The following DLGAP2 variants were observed in gnomAD, a reference collection of about 807,000 sequenced individuals.
DLGAP2 encodes DLG associated protein 2.
In DLGAP2, 26 loss-of-function variants were observed where a neutral mutation model predicts 100.3. The ratio of observed to expected loss-of-function variants is 0.26; its 90% CI spans 0.19 to 0.36. The LOEUF (loss-of-function observed/expected upper bound fraction) is 0.36. Ranked by LOEUF, DLGAP2 falls within the 10% of genes least tolerant of loss-of-function variation. The probability of loss-of-function intolerance (pLI) is 1.00; values close to 1 mark genes in which losing one functional copy is unlikely to be tolerated. For missense variants in DLGAP2, 1,858 were observed against 1,453.2 expected, an observed-to-expected ratio of 1.28 and a Z score of -4.53; for synonymous variants, 886 against 630.1, an observed-to-expected ratio of 1.41 and a Z score of -6.08.
rs778696925 is a variant in DLGAP2, at chr8:1,410,537, A to G, written c.107-90829A>G. 3.9e-5 allele frequency among the ~76,000 whole-genome samples: 6 copies of G among 152,316 alleles called. No homozygotes were observed. The East Asian group carries it at 9.7e-4, about 25-fold the overall frequency. On this transcript the variant is annotated intron_variant, in intron 3 of 14. Transcript: ENST00000637795. ...CAGGGGTCCATCTGCAGGCTACTGC[A>G]TTTCCGCACAGGTCGAGTTAAAGCA...
chr8:842,062 C>A (rs1372599291), intron 1 of DLGAP2, among the ~76,000 whole-genome samples: 1 of 152,142 alleles, frequency 6.6e-6, no homozygotes, highest in Non-Finnish European at 1.5e-5. Flanking sequence ...ATTTTTAATG[C>A]CATAATATAT....
In DLGAP2 at chr8:1,628,682, T is replaced by C. The variant is rs61045615; in HGVS notation, c.1590+1795T>C. ...TGGAGCAGGAATTAAGAGCCTGAGC[T>C]GACCTCACATTCTCTCTGACTTACT... On this transcript the variant is annotated intron_variant, in intron 7 of 14. Coordinates refer to ENST00000637795, the MANE Select transcript of DLGAP2 (RefSeq NM_001346810.2). Among the ~76,000 whole-genome samples, 15 of 133,114 alleles carry C rather than the reference T, an allele frequency of 1.1e-4. No homozygotes were observed. In the East Asian group the frequency reaches 1.2e-3, roughly 11 times the overall value. 87.3% of individuals were successfully genotyped at this position (133,114 alleles called of 152,430 possible).
intron 2 of DLGAP2, among the ~76,000 whole-genome samples, chr8:1,087,336 T>C (rs373235623): frequency 2.6e-5 from 4 of 152,214 alleles, no homozygotes; most frequent in Admixed American, 2.0e-4. Flanking sequence ...ATCCGCTGTG[T>C]CCTCCAGCTC....
chr8:1,573,650 G>T (rs1035348656), intron 6 of DLGAP2, among the ~76,000 whole-genome samples: 8 of 152,130 alleles, frequency 5.3e-5, no homozygotes, highest in African/African-American at 1.9e-4. Context: ...CCCAAATGCA[G>T]GTAAACTAAC....
chr8:1,214,745 A>G (rs543943808), intron 2 of DLGAP2, among the ~76,000 whole-genome samples: 2 of 152,344 alleles, frequency 1.3e-5, no homozygotes, highest in Middle Eastern at 3.4e-3. Context: ...CCTTAAGTCT[A>G]TGTAGAGTGA....
intron 1 of DLGAP2, among the ~76,000 whole-genome samples, chr8:784,062 A>G (rs1017470846): frequency 4.6e-5 from 7 of 152,220 alleles, no homozygotes; most frequent in African/African-American, 1.7e-4. Flanking sequence ...TTTGCATCTT[A>G]CAGCTATTAA....
In DLGAP2 at chr8:956,463, C is replaced by T. The variant is rs543602706; in HGVS notation, c.73+48497C>T. ...AGTGAAGGCCAAATGAGAGGACCCT[C>T]TCAGCTCTGAGAATCATCTGTCCAC... On this transcript the variant is annotated intron_variant, in intron 2 of 14. Coordinates refer to ENST00000637795, the MANE Select transcript of DLGAP2 (RefSeq NM_001346810.2). Among the ~76,000 whole-genome samples, 7 of 152,306 alleles carry T rather than the reference C, an allele frequency of 4.6e-5. No homozygotes were observed. In the South Asian group the frequency reaches 1.5e-3, roughly 32 times the overall value.
At chr8:835,445 G>T (rs1341569746) in intron 1 of DLGAP2, among the ~76,000 whole-genome samples, 1 of 151,820 alleles carries the variant, frequency 6.6e-6, no homozygotes, top group South Asian at 2.1e-4. Flanking sequence ...TCCCCACTGT[G>T]CTCCACGCCG....
chr8:1,543,698 T>C (rs1323399486), intron 4 of DLGAP2, among the ~76,000 whole-genome samples: 5 of 152,238 alleles, frequency 3.3e-5, no homozygotes, highest in African/African-American at 1.2e-4. Flanking sequence ...GATTGGCTTT[T>C]GCACTTCTGC....
intron 2 of DLGAP2, among the ~76,000 whole-genome samples, chr8:1,258,402 A>G (rs371132515): frequency 6.9e-6 from 1 of 145,154 alleles, no homozygotes; most frequent in African/African-American, 2.5e-5. Context: ...ACATGGACAT[A>G]GAGGGGAATG....
chr8:1,470,186 G>A (rs148236770), intron 3 of DLGAP2, among the ~76,000 whole-genome samples: 26 of 152,140 alleles, frequency 1.7e-4, no homozygotes, highest in South Asian at 1.0e-3. Flanking sequence ...AGTTGTGGCT[G>A]CTGAAAGACA....
intron 7 of DLGAP2, among the ~76,000 whole-genome samples, chr8:1,632,047 A>T (rs1442387726): frequency 1.3e-5 from 2 of 151,606 alleles, no homozygotes; most frequent in Non-Finnish European, 2.9e-5. Flanking sequence ...AAACAAGAAG[A>T]GAAATAATCT....
chr8:1,412,394 C>T (rs186973297), intron 3 of DLGAP2, among the ~76,000 whole-genome samples: 10 of 152,344 alleles, frequency 6.6e-5, no homozygotes, highest in Admixed American at 4.6e-4. Flanking sequence ...CCAAAAGGTT[C>T]TCAGAGTCTC....
chr8:1,382,897 G>C (rs1476796816), intron 3 of DLGAP2, among the ~76,000 whole-genome samples: 1 of 152,174 alleles, frequency 6.6e-6, no homozygotes, highest in Non-Finnish European at 1.5e-5. Flanking sequence ...TTATGGAAGG[G>C]ATGTATGTAT....
chr8:1,673,595 G>A (rs149884791), intron 10 of DLGAP2, among the ~76,000 whole-genome samples: 35 of 152,312 alleles, frequency 2.3e-4, no homozygotes, highest in African/African-American at 6.7e-4. Flanking sequence ...TCACGTGACC[G>A]TCCTTAAAGC....
chr8:875,754 G>T (rs1293193295), intron 1 of DLGAP2, among the ~76,000 whole-genome samples: 1 of 152,038 alleles, frequency 6.6e-6, no homozygotes, highest in Non-Finnish European at 1.5e-5. Flanking sequence ...TTCCACTGTA[G>T]CATTTTAAGT....
intron 3 of DLGAP2, among the ~76,000 whole-genome samples, chr8:1,276,472 G>T (rs2116940277): frequency 6.6e-6 from 1 of 152,248 alleles, no homozygotes; most frequent in East Asian, 1.9e-4. Context: ...GGACGGGAGG[G>T]CTGCTGAGGC....
chr8:1,436,516 C>A (rs372931206), intron 3 of DLGAP2, among the ~76,000 whole-genome samples: 1 of 152,336 alleles, frequency 6.6e-6, no homozygotes, highest in Non-Finnish European at 1.5e-5. Flanking sequence ...TGGAAACACC[C>A]TCACAGACAA....
At chr8:1,557,766 C>T (rs1802017120) in intron 5 of DLGAP2, among the ~76,000 whole-genome samples, 1 of 152,216 alleles carries the variant, frequency 6.6e-6, no homozygotes, top group Non-Finnish European at 1.5e-5. Flanking sequence ...GGGTTGCCCC[C>T]TCTCTGTCTG....
Sources: gnomAD v4.1 joint callset for allele counts (sites outside exome capture counted in the v4.1 genomes callset) on GRCh38, gnomAD v4.1.1 for gene constraint, MANE v1.5 for transcripts, NCBI Gene and HGNC (gene_info 2026-07-23, HGNC 2026-07-21) for gene names.